The following NDUFA12 variants were observed in gnomAD, a reference collection of about 807,000 sequenced individuals.
The protein encoded by NDUFA12 is NADH:ubiquinone oxidoreductase subunit A12.
In NDUFA12, 17 loss-of-function variants were observed where a neutral mutation model predicts 20.3. The observed-to-expected ratio is 0.84, with a 90% CI of 0.57 to 1.26. The LOEUF (loss-of-function observed/expected upper bound fraction) is 1.26, where lower values mean the gene tolerates loss of function less well. Ranked by LOEUF, NDUFA12 falls within the 50% of genes most tolerant of loss-of-function variation. NDUFA12 has a pLI of 0.00. For missense variants in NDUFA12, 191 were observed against 183.7 expected (o/e 1.04, Z -0.23); for synonymous variants, 72 against 63.6 (o/e 1.13, Z -0.63).
intron 2 of NDUFA12, among the ~76,000 whole-genome samples, chr12:94,997,809 C>T (rs1299562648): frequency 6.6e-6 from 1 of 151,982 alleles, no homozygotes; most frequent in Non-Finnish European, 1.5e-5. Context: ...GATACTCAAA[C>T]TGTAAAAATA....
chr12:95,002,694 C>A (rs1875097713), intron 2 of NDUFA12, 45 bp downstream of exon 2: 2 of 1,400,596 alleles, frequency 1.4e-6, no homozygotes, highest in Non-Finnish European at 1.0e-6. Flanking sequence ...CAAATCAAAT[C>A]CCAATCCCAA....
chr12:94,986,465 AATG>A (rs1384590623), intron 3 of NDUFA12, among the ~76,000 whole-genome samples: 6 of 152,224 alleles, frequency 3.9e-5, no homozygotes, highest in Non-Finnish European at 8.8e-5. Context: ...ACCACAAAAA[AATG>A]ATAAGTATGT....
chr12:94,987,745 C>G (rs78620126), intron 3 of NDUFA12, among the ~76,000 whole-genome samples: 3,167 of 130,904 alleles, frequency 0.024, 111 homozygotes, highest in African/African-American at 0.086. Flanking sequence ...AGGCTGCAGA[C>G]TGTACCACTG....
chr12:94,974,668 A>G (rs1466060803), intron 3 of NDUFA12, among the ~76,000 whole-genome samples: 1 of 152,238 alleles, frequency 6.6e-6, no homozygotes, highest in East Asian at 1.9e-4. Context: ...CAGCCATAAA[A>G]AAGAACAACA....
chr12:94,997,184 TAC>T (rs914669109), intron 2 of NDUFA12: 210 of 201,346 alleles, frequency 1.0e-3, no homozygotes, highest in African/African-American at 2.8e-3. Flanking sequence ...CACTCACACA[TAC>T]ACACACACAC....
At chr12:94,994,078 C>G in intron 3 of NDUFA12, 92 bp downstream of exon 3, 2 of 1,117,868 alleles carry the variant, frequency 1.8e-6, no homozygotes, top group Non-Finnish European at 2.6e-6. Context: ...GAGTCATGAT[C>G]ATGTCACTGC....
intron 3 of NDUFA12, among the ~76,000 whole-genome samples, chr12:94,982,469 G>A (rs1303314145): frequency 6.6e-6 from 1 of 151,842 alleles, no homozygotes; most frequent in Non-Finnish European, 1.5e-5. Context: ...GTGGAGACGG[G>A]GTTTCACTGT....
intron 3 of NDUFA12, among the ~76,000 whole-genome samples, chr12:94,981,269 A>AATACACAC (rs1565814127): frequency 6.7e-6 from 1 of 148,984 alleles, no homozygotes; most frequent in Non-Finnish European, 1.5e-5. Flanking sequence ...GTCTCTACTA[A>AATACACAC]ATACATACAT....
chr12:94,972,889 T>C (rs1873936140), intron 3 of NDUFA12, among the ~76,000 whole-genome samples: 1 of 118,408 alleles, frequency 8.4e-6, no homozygotes, highest in Admixed American at 8.5e-5. Context: ...TGCAGGAAGC[T>C]AAGCTGAGGG....
chr12:95,003,515 C>T, intron 1 of NDUFA12, 80 bp downstream of exon 1: 1 of 1,455,882 alleles, frequency 6.9e-7, no homozygotes, highest in Non-Finnish European at 9.7e-7. Context: ...CCAAGGTGAC[C>T]CGAGCCTGGG....
At chr12:94,986,056 G>T (rs764505190) in intron 3 of NDUFA12, among the ~76,000 whole-genome samples, 1 of 151,402 alleles carries the variant, frequency 6.6e-6, no homozygotes, top group African/African-American at 2.4e-5. Context: ...CTGCATCCCA[G>T]TCTGGGCGAC....
chr12:94,982,924 A>C (rs1471336956), intron 3 of NDUFA12, among the ~76,000 whole-genome samples: 1 of 152,194 alleles, frequency 6.6e-6, no homozygotes, highest in East Asian at 1.9e-4. Flanking sequence ...TAATTTATAA[A>C]GTTAAGTTGA....
chr12:94,973,765 C>T (rs1386225365), intron 3 of NDUFA12, among the ~76,000 whole-genome samples: 3 of 152,012 alleles, frequency 2.0e-5, no homozygotes, highest in Non-Finnish European at 4.4e-5. Context: ...AGCAAGCCTA[C>T]ATGCAAGAAT....
intron 3 of NDUFA12, among the ~76,000 whole-genome samples, chr12:94,978,604 T>C (rs949971734): frequency 2.0e-5 from 3 of 152,332 alleles, no homozygotes; most frequent in Admixed American, 1.3e-4. Flanking sequence ...CTTAAAGAGA[T>C]GTATTAACTA....
At chr12:94,986,592 T>C (rs542718137) in intron 3 of NDUFA12, among the ~76,000 whole-genome samples, 9 of 150,970 alleles carry the variant, frequency 6.0e-5, no homozygotes, top group African/African-American at 2.2e-4. Flanking sequence ...CAATTAAAAA[T>C]AAAATTTTAG....
At chr12:94,973,085 G>T (rs1285566218) in intron 3 of NDUFA12, among the ~76,000 whole-genome samples, 3 of 152,028 alleles carry the variant, frequency 2.0e-5, no homozygotes, top group Non-Finnish European at 4.4e-5. Context: ...ATGTTTCAGT[G>T]GAATAACTAA....
chr12:94,976,665 T>C (rs1874074253), intron 3 of NDUFA12, among the ~76,000 whole-genome samples: 2 of 152,218 alleles, frequency 1.3e-5, no homozygotes, highest in Non-Finnish European at 2.9e-5. Context: ...GTTTAATCCA[T>C]GGATGCAGAA....
intron 3 of NDUFA12, among the ~76,000 whole-genome samples, chr12:94,989,051 C>G (rs1874547093): frequency 6.6e-6 from 1 of 152,168 alleles, no homozygotes; most frequent in Non-Finnish European, 1.5e-5. Context: ...CTCAAACATA[C>G]AGGCTTTGCA....
intron 3 of NDUFA12, among the ~76,000 whole-genome samples, chr12:94,976,332 G>T (rs913280790): frequency 6.6e-6 from 1 of 151,970 alleles, no homozygotes; most frequent in Non-Finnish European, 1.5e-5. Flanking sequence ...AAAAACAAAA[G>T]AATATATATG....
Sources: allele counts gnomAD v4.1 joint callset (sites outside exome capture counted in the v4.1 genomes callset), GRCh38; gene constraint gnomAD v4.1.1; transcripts MANE v1.5; gene names NCBI Gene and HGNC (gene_info 2026-07-23, HGNC 2026-07-21).